GRID2: variants seen among roughly 807,000 people sequenced by gnomAD.
The protein encoded by GRID2 is glutamate ionotropic receptor delta type subunit 2, also known as glutamate receptor ionotropic, delta-2.
Under a neutral mutation model 114.8 loss-of-function variants are expected in GRID2, and 33 were observed. The observed-to-expected ratio is 0.29, with a 90% CI of 0.22 to 0.38. GRID2 has a LOEUF of 0.38. GRID2 is among the 10% of genes least tolerant of loss of function. GRID2 has a pLI of 1.00. For synonymous variants in GRID2, 505 were observed against 449.9 expected, an observed-to-expected ratio of 1.12 and a Z score of -1.55; for missense variants, 1,184 against 1,257.7, an observed-to-expected ratio of 0.94 and a Z score of 0.89.
At chr4:93,683,862 C>G (rs1450098374) in intron 14 of GRID2, among the ~76,000 whole-genome samples, 4 of 151,996 alleles carry the variant, frequency 2.6e-5, no homozygotes, top group Non-Finnish European at 4.4e-5. Flanking sequence ...GGTGTATTAA[C>G]TGTTAAAGTA....
chr4:93,725,201 T>G (rs1006023205), intron 14 of GRID2, among the ~76,000 whole-genome samples: 12 of 152,288 alleles, frequency 7.9e-5, no homozygotes, highest in African/African-American at 1.7e-4. Context: ...TTCTCATTGT[T>G]CAATTCCCAC....
At chr4:93,292,287 G>T (rs113333022) in intron 8 of GRID2, among the ~76,000 whole-genome samples, 6 of 152,250 alleles carry the variant, frequency 3.9e-5, no homozygotes, top group African/African-American at 1.4e-4. Context: ...CCTCAGCCCT[G>T]TGTCTTGCAC....
intron 14 of GRID2, among the ~76,000 whole-genome samples, chr4:93,678,301 T>C (rs908732620): frequency 3.3e-5 from 5 of 152,164 alleles, no homozygotes; most frequent in Non-Finnish European, 5.9e-5. Flanking sequence ...CTGCATCTGA[T>C]TGGTGTACCT....
chr4:93,068,583 G>C (rs959024626), intron 2 of GRID2, among the ~76,000 whole-genome samples: 1 of 151,914 alleles, frequency 6.6e-6, no homozygotes, highest in Non-Finnish European at 1.5e-5. Flanking sequence ...TTCCTGTAAA[G>C]ATATAGGGAA....
intron 2 of GRID2, among the ~76,000 whole-genome samples, chr4:92,897,125 A>C (rs1250956670): frequency 2.0e-5 from 3 of 152,048 alleles, no homozygotes; most frequent in African/African-American, 7.2e-5. Context: ...TAATCTGGTA[A>C]TGAGGATCCT....
At chr4:92,916,004 C>T (rs1174741390) in intron 2 of GRID2, among the ~76,000 whole-genome samples, 1 of 152,064 alleles carries the variant, frequency 6.6e-6, no homozygotes, top group Non-Finnish European at 1.5e-5. Context: ...AATATTTTCT[C>T]CCATTCTATA....
At chr4:92,656,483 A>AC (rs70942920) in intron 2 of GRID2, among the ~76,000 whole-genome samples, 281 of 151,592 alleles carry the variant, frequency 1.9e-3, no homozygotes, top group African/African-American at 6.5e-3. Context: ...AAAAAAAAAA[A>AC]CACTTTTCTA....
intron 2 of GRID2, among the ~76,000 whole-genome samples, chr4:92,733,981 G>A (rs998982404): frequency 2.0e-5 from 3 of 152,016 alleles, no homozygotes; most frequent in African/African-American, 7.2e-5. Flanking sequence ...GTGTGAAAGG[G>A]AAGATCTATC....
Position 92,636,023 on chromosome 4 carries a change from G to A in GRID2, c.244+45737G>A, listed in dbSNP as rs1313778271. On this transcript the variant is annotated intron_variant, in intron 2 of 15. Coordinates refer to ENST00000282020, the MANE Select transcript of GRID2 (RefSeq NM_001510.4). ...TTGGTGCCTGATAAATCATAAATTG[G>A]ACAGGCTGCCTGTCTTGCATAGGTC... is the stretch of plus-strand genomic sequence containing the variant. Among the ~76,000 whole-genome samples the A allele has an allele frequency of 2.6e-5, 4 of 152,202 alleles. No individual in the cohort carries two copies. The East Asian group carries it at 7.8e-4, about 30-fold the overall frequency.
chr4:93,530,197 C>A (rs1408109103), intron 13 of GRID2, among the ~76,000 whole-genome samples: 1 of 152,162 alleles, frequency 6.6e-6, no homozygotes, highest in Non-Finnish European at 1.5e-5. Context: ...TGGCCCCCTC[C>A]TGCAAATTCA....
intron 1 of GRID2, among the ~76,000 whole-genome samples, chr4:92,574,942 C>G (rs1483041469): frequency 1.3e-5 from 2 of 152,132 alleles, no homozygotes; most frequent in Non-Finnish European, 2.9e-5. Context: ...TTATCTTTAT[C>G]TCTTTCAGGT....
chr4:92,397,052 G>A (rs557379588), intron 1 of GRID2, among the ~76,000 whole-genome samples: 1 of 151,566 alleles, frequency 6.6e-6, no homozygotes, highest in Admixed American at 6.6e-5. Flanking sequence ...TTTTTTTCAA[G>A]GCAAGTATTC....
intron 2 of GRID2, 32 bp from the exon 3 acceptor site, chr4:93,084,963 G>T: frequency 6.3e-7 from 1 of 1,586,224 alleles, no homozygotes; most frequent in South Asian, 1.1e-5. Context: ...GAAACCCACT[G>T]ACATTTTGAA....
chr4:92,629,965 A>C lies in GRID2; in HGVS notation c.244+39679A>C, dbSNP rs189230834. ...ATATTATTATATAACAACATTTATA[A>C]AATTTAAATGCAATGCTTATAGGAA... On this transcript the variant is annotated intron_variant, in intron 2 of 15. Coordinates refer to ENST00000282020, the MANE Select transcript of GRID2 (RefSeq NM_001510.4). Among the ~76,000 whole-genome samples, 608 of 149,458 alleles carry C rather than the reference A, an allele frequency of 4.1e-3. 7 individuals are homozygous for C. Among genetic ancestry groups the C allele is most frequent in the African/African-American group, 0.014 (574 of 41,082 alleles).
chr4:93,079,737 G>T (rs1428572278), intron 2 of GRID2, among the ~76,000 whole-genome samples: 1 of 151,932 alleles, frequency 6.6e-6, no homozygotes, highest in Non-Finnish European at 1.5e-5. Context: ...TATGTGCCAG[G>T]TTAAATGTTT....
At chr4:92,857,365 A>G (rs2149430630) in intron 2 of GRID2, among the ~76,000 whole-genome samples, 1 of 152,288 alleles carries the variant, frequency 6.6e-6, no homozygotes, top group South Asian at 2.1e-4. Context: ...GTGAATGTAC[A>G]GGGTGTGTTG....
At chr4:93,089,260 G>T (rs371062394) in intron 3 of GRID2, among the ~76,000 whole-genome samples, 3 of 152,036 alleles carry the variant, frequency 2.0e-5, no homozygotes, top group East Asian at 3.9e-4. Flanking sequence ...AAATTACATA[G>T]AATCATTTTC....
At chr4:92,475,129 AAATAATAAT>A (rs138643012) in intron 1 of GRID2, among the ~76,000 whole-genome samples, 102 of 144,852 alleles carry the variant, frequency 7.0e-4, no homozygotes, top group African/African-American at 2.3e-3. Context: ...TAATAATAAT[AAATAATAAT>A]AATAATAATA....
At chr4:92,523,916 C>T (rs1036334608) in intron 1 of GRID2, among the ~76,000 whole-genome samples, 5 of 152,010 alleles carry the variant, frequency 3.3e-5, no homozygotes, top group Admixed American at 6.6e-5. Flanking sequence ...AGTATCATGT[C>T]TCCCTCATTA....
Sources: gnomAD v4.1 joint callset for allele counts (sites outside exome capture counted in the v4.1 genomes callset) on GRCh38, gnomAD v4.1.1 for gene constraint, MANE v1.5 for transcripts, NCBI Gene and HGNC (gene_info 2026-07-23, HGNC 2026-07-21) for gene names.